Variants in FBN2 observed in about 807,000 individuals in gnomAD.
FBN2 encodes the protein fibrillin-2.
In FBN2, 105 loss-of-function variants were observed where a neutral mutation model predicts 355.6. The ratio of observed to expected loss-of-function variants is 0.30; its 90% confidence interval spans 0.25 to 0.35. The LOEUF (loss-of-function observed/expected upper bound fraction) is 0.35. FBN2 is among the 10% of genes least tolerant of loss of function. The probability of loss-of-function intolerance (pLI) is 1.00; values close to 1 mark genes in which losing one functional copy is unlikely to be tolerated. For synonymous variants in FBN2, 1,350 were observed against 1,301.2 expected, an observed-to-expected ratio of 1.04 and a Z score of -0.81; for missense variants, 3,280 against 3,758.7, an observed-to-expected ratio of 0.87 and a Z score of 3.33.
At chr5:128,503,998 T>A (rs1297042745) in intron 5 of FBN2, among the ~76,000 whole-genome samples, 1 of 152,134 alleles carries the variant, frequency 6.6e-6, no homozygotes, top group Non-Finnish European at 1.5e-5. Context: ...GCCCTGCATC[T>A]CAGCTGCTCC....
chr5:128,312,534 GTCCTCACTAAACAC>G (rs1750082541), intron 37 of FBN2, 86 bp downstream of exon 37: 2 of 1,321,524 alleles, frequency 1.5e-6, no homozygotes, highest in Non-Finnish European at 2.1e-6. Flanking sequence ...TTTTTGTTTT[GTCCTCACTAAACAC>G]TCCTCACTCC....
intron 4 of FBN2, among the ~76,000 whole-genome samples, chr5:128,526,244 A>C (rs1252828686): frequency 6.6e-6 from 1 of 152,148 alleles, no homozygotes; most frequent in African/African-American, 2.4e-5. Flanking sequence ...AAAAAAAAAC[A>C]GAAAATAACA....
intron 25 of FBN2, 191 bp from the exon 26 acceptor site, chr5:128,339,252 T>C (rs1038501849): frequency 2.4e-5 from 14 of 590,958 alleles, no homozygotes; most frequent in African/African-American, 2.2e-4. Flanking sequence ...AAAACTGCCA[T>C]GCCAACAGGC....
chr5:128,429,001 G>GT (rs1425757716), intron 7 of FBN2, among the ~76,000 whole-genome samples: 2 of 152,142 alleles, frequency 1.3e-5, no homozygotes, highest in African/African-American at 4.8e-5. Flanking sequence ...CACCCTCCAG[G>GT]TAGTTGCATG....
intron 5 of FBN2, among the ~76,000 whole-genome samples, chr5:128,471,313 A>T (rs1754855055): frequency 6.6e-6 from 1 of 152,026 alleles, no homozygotes; most frequent in African/African-American, 2.4e-5. Context: ...TCACAGATAT[A>T]AACACAGCAA....
At chr5:128,376,620 T>A in intron 14 of FBN2, 111 bp downstream of exon 14, 1 of 1,284,238 alleles carries the variant, frequency 7.8e-7, no homozygotes, top group Non-Finnish European at 1.1e-6. Flanking sequence ...GCAAGAAATG[T>A]GAATAATATG....
At chr5:128,450,926 G>T (rs1057091697) in intron 6 of FBN2, among the ~76,000 whole-genome samples, 4 of 151,980 alleles carry the variant, frequency 2.6e-5, no homozygotes, top group Admixed American at 2.6e-4. Context: ...ACAGAAAATA[G>T]AAAATTAAAG....
chr5:128,271,001 T>A (rs1238562989), intron 62 of FBN2, among the ~76,000 whole-genome samples: 11 of 152,348 alleles, frequency 7.2e-5, no homozygotes, highest in African/African-American at 2.6e-4. Context: ...TATGAGTGTA[T>A]ATTCGTGGTG....
chr5:128,307,048 G>A, intron 42 of FBN2, 87 bp downstream of exon 42: 2 of 848,242 alleles, frequency 2.4e-6, no homozygotes, highest in South Asian at 2.7e-5. Flanking sequence ...ATATTTTGTG[G>A]TACTCTTGAA....
intron 29 of FBN2, 25 bp from the exon 30 acceptor site, chr5:128,335,320 A>G: frequency 6.2e-7 from 1 of 1,614,090 alleles, no homozygotes; most frequent in Non-Finnish European, 8.5e-7. Context: ...TTAGCATCAA[A>G]TGAAAATAAA....
chr5:128,272,528 C>A lies in FBN2; in HGVS notation c.7841-410G>T, dbSNP rs1282854557. 2.0e-5 allele frequency among the ~76,000 whole-genome samples: 3 copies of A among 148,590 alleles called. No homozygotes were observed. In the Admixed American group the frequency reaches 2.0e-4, roughly 10 times the overall value. ...CATAGTCCAGTAAGTTTGAAAGTGA[C>A]TGAGATACAATCCTCATTTTTGGGA... On this transcript the variant is annotated intron_variant, in intron 61 of 64. Transcript: ENST00000262464.
intron 34 of FBN2, among the ~76,000 whole-genome samples, chr5:128,322,190 T>C (rs1750396545): frequency 6.6e-6 from 1 of 152,206 alleles, no homozygotes; most frequent in African/African-American, 2.4e-5. Context: ...ATTAGCCCTT[T>C]GTCCGATAGA....
intron 23 of FBN2, among the ~76,000 whole-genome samples, chr5:128,347,915 A>C (rs1462399196): frequency 6.6e-6 from 1 of 151,786 alleles, no homozygotes; most frequent in Non-Finnish European, 1.5e-5. Flanking sequence ...AGTAGCTGGG[A>C]TTACAGGCAT....
At chr5:128,512,307 T>C (rs1227895939) in intron 5 of FBN2, among the ~76,000 whole-genome samples, 1 of 151,208 alleles carries the variant, frequency 6.6e-6, no homozygotes, top group Non-Finnish European at 1.5e-5. Flanking sequence ...AGGTCAGGAG[T>C]TTGAGACCAG....
chr5:128,394,667 A>G (rs1561435068), intron 9 of FBN2, among the ~76,000 whole-genome samples: 4 of 152,360 alleles, frequency 2.6e-5, no homozygotes, highest in Non-Finnish European at 5.9e-5. Flanking sequence ...ACTAAATTAG[A>G]TATTATCAAA....
At chr5:128,422,346 T>C (rs1462320201) in intron 7 of FBN2, among the ~76,000 whole-genome samples, 2 of 152,142 alleles carry the variant, frequency 1.3e-5, no homozygotes, top group African/African-American at 4.8e-5. Context: ...ACAAGCAATT[T>C]TACAAAAGGA....
At position 128,452,703 on chromosome 5, in the gene FBN2, A is replaced by T. The variant is rs530395829; in HGVS notation, c.827-6097T>A. On this transcript the variant is annotated intron_variant, in intron 6 of 64. Transcript: ENST00000262464. ...CAAATTAGATCCATTTCTAATTTTA[A>T]TTTTTTTACATTGAACTTGCTTTTT... Among the ~76,000 whole-genome samples the T allele has an allele frequency of 7.2e-5, 11 of 152,156 alleles. No homozygotes were observed. In the East Asian group the frequency reaches 1.9e-3, roughly 27 times the overall value.
In FBN2 at chr5:128,330,609, A is replaced by G. The variant is rs1480243082; in HGVS notation, c.4309T>C (p.Ser1437Pro). 1 of 1,614,064 alleles carries G rather than the reference A, an allele frequency of 6.2e-7. No homozygotes were observed. Among genetic ancestry groups the G allele is most frequent in the Non-Finnish European group, 8.5e-7 (1 of 1,179,962 alleles). Reference protein sequence around the residue: ...NTPGSYRCACSEGFTGDGFTC... With the variant: ...NTPGSYRCACPEGFTGDGFTC... Reference sequence around the variant, plus strand: ...AAGCCATCACCAGTGAAACCTTCGGAGCAGGCACAGCGGTATGAGCCCGGG... The same window carrying G: ...AAGCCATCACCAGTGAAACCTTCGGGGCAGGCACAGCGGTATGAGCCCGGG... The change falls in exon 33 of 65, where the codon TCC (serine) becomes CCC (proline). Residue 1437 changes from serine (S) to proline (P), a missense_variant. Around this residue, in one of 6 missense-constraint regions of FBN2, gnomAD observed 2,284 missense variants for 2,749.5 expected, o/e 0.83. Transcript: ENST00000262464.
chr5:128,404,398 T>G (rs1231832070), intron 8 of FBN2, among the ~76,000 whole-genome samples: 1 of 152,364 alleles, frequency 6.6e-6, no homozygotes, highest in Non-Finnish European at 1.5e-5. Context: ...CCTTTGTTCC[T>G]AGTGTTCAGG....
Sources: allele counts gnomAD v4.1 joint callset (sites outside exome capture counted in the v4.1 genomes callset), GRCh38; gene constraint gnomAD v4.1.1; regional missense constraint gnomAD v4.1.1; transcripts MANE v1.5; gene names NCBI Gene and HGNC (gene_info 2026-07-23, HGNC 2026-07-21).